Variants in LINGO2 observed in about 807,000 individuals in gnomAD.
LINGO2 encodes the protein leucine-rich repeat and immunoglobulin-like domain-containing nogo receptor-interacting protein 2.
Under a neutral mutation model 30.6 loss-of-function variants are expected in LINGO2, and 14 were observed. That is an observed-to-expected ratio of 0.46 (90% CI 0.30 to 0.72). LINGO2 has a LOEUF of 0.72. Ranked by LOEUF, LINGO2 falls within the 30% of genes least tolerant of loss-of-function variation. The probability of loss-of-function intolerance (pLI) is 0.07; values close to 1 mark genes in which losing one functional copy is unlikely to be tolerated. For missense variants in LINGO2, 729 were observed against 751.7 expected (o/e 0.97, Z 0.35); for synonymous variants, 317 against 288.5 (o/e 1.10, Z -1.00).
In LINGO2 at chr9:28,015,764, G is replaced by C. The variant is rs1822799013; in HGVS notation, c.-86-3359C>G. Among the ~76,000 whole-genome samples the C allele has an allele frequency of 2.0e-5, 3 of 149,502 alleles. No individual in the cohort carries two copies. In the South Asian group the frequency reaches 6.5e-4, roughly 33 times the overall value. ...CTTTTCTACCCTCAAAACAACCTGA[G>C]ACTCAGGTGATAATCCCAGTTTACC... On this transcript the variant is annotated intron_variant, in intron 4 of 5. Transcript: ENST00000379992.
intron 5 of LINGO2, among the ~76,000 whole-genome samples, chr9:27,990,250 C>T (rs1821326588): frequency 6.6e-6 from 1 of 151,300 alleles, no homozygotes; most frequent in African/African-American, 2.4e-5. Flanking sequence ...ATGAGCATTC[C>T]CTGAAGGCAG....
At chr9:28,296,016 C>T (rs1188746706) in intron 3 of LINGO2, among the ~76,000 whole-genome samples, 1 of 152,132 alleles carries the variant, frequency 6.6e-6, no homozygotes, top group Non-Finnish European at 1.5e-5. Flanking sequence ...AATGTAAATG[C>T]ATTGTAGCCA....
intron 4 of LINGO2, among the ~76,000 whole-genome samples, chr9:28,269,127 T>C (rs1279361386): frequency 6.6e-6 from 1 of 152,136 alleles, no homozygotes; most frequent in Non-Finnish European, 1.5e-5. Context: ...TAGATTTTTG[T>C]GAGCAGAGTT....
At chr9:28,577,955 A>T (rs1475458095) in intron 1 of LINGO2, among the ~76,000 whole-genome samples, 1 of 152,140 alleles carries the variant, frequency 6.6e-6, no homozygotes, top group African/African-American at 2.4e-5. Flanking sequence ...CTTCCTAGAG[A>T]AAGTGACAGC....
the LINGO2 span, among the ~76,000 whole-genome samples, chr9:29,109,704 C>T: frequency 1.3e-5 from 2 of 152,186 alleles, no homozygotes; most frequent in Non-Finnish European, 2.9e-5. Flanking sequence ...ATCTTCATTT[C>T]GTAACAAATT....
chr9:28,082,805 T>C (rs1025169815), intron 4 of LINGO2, among the ~76,000 whole-genome samples: 2 of 152,186 alleles, frequency 1.3e-5, no homozygotes, highest in African/African-American at 4.8e-5. Flanking sequence ...GTTTCCCCTC[T>C]GTCTGGATTG....
At chr9:28,434,706 A>C (rs921495687) in intron 2 of LINGO2, among the ~76,000 whole-genome samples, 1 of 152,130 alleles carries the variant, frequency 6.6e-6, no homozygotes, top group South Asian at 2.1e-4. Flanking sequence ...TGAGAAGGCC[A>C]ATACAATCAG....
chr9:28,027,673 CAT>C (rs5897267), intron 4 of LINGO2, among the ~76,000 whole-genome samples: 41,189 of 151,926 alleles, frequency 0.27, 6,228 homozygotes, highest in East Asian at 0.46. Context: ...GAAAATAAAA[CAT>C]ATTTTACAAA....
At chr9:28,895,022 T>G in the LINGO2 span, among the ~76,000 whole-genome samples, 44 of 152,222 alleles carry the variant, frequency 2.9e-4, no homozygotes, top group African/African-American at 1.1e-3. Flanking sequence ...TGCCTATATG[T>G]GCATGACTGT....
chr9:28,705,435 C>T, the LINGO2 span, among the ~76,000 whole-genome samples: 1 of 151,998 alleles, frequency 6.6e-6, no homozygotes, highest in African/African-American at 2.4e-5. Flanking sequence ...CTCCTTGGGA[C>T]AGAATAGCTA....
chr9:28,326,040 T>C (rs1361691060), intron 3 of LINGO2, among the ~76,000 whole-genome samples: 1 of 152,186 alleles, frequency 6.6e-6, no homozygotes, highest in Non-Finnish European at 1.5e-5. Flanking sequence ...AAAGTCTCGC[T>C]CTGTCGCTTA....
the LINGO2 span, among the ~76,000 whole-genome samples, chr9:29,087,024 T>C: frequency 6.6e-6 from 1 of 151,904 alleles, no homozygotes; most frequent in Admixed American, 6.6e-5. Flanking sequence ...TGCAGGTGCC[T>C]GCCACCACAC....
chr9:28,509,056 T>C (rs1036245355), intron 1 of LINGO2, among the ~76,000 whole-genome samples: 4 of 152,206 alleles, frequency 2.6e-5, no homozygotes, highest in Non-Finnish European at 4.4e-5. Flanking sequence ...ATTGTACTTA[T>C]ACTTCTCCCA....
the LINGO2 span, among the ~76,000 whole-genome samples, chr9:28,913,201 T>C: frequency 6.6e-6 from 1 of 152,034 alleles, no homozygotes; most frequent in Non-Finnish European, 1.5e-5. Flanking sequence ...AGGATGAAAA[T>C]CTCTGTTATC....
At chr9:28,796,050 A>G in the LINGO2 span, among the ~76,000 whole-genome samples, 1 of 150,770 alleles carries the variant, frequency 6.6e-6, no homozygotes, top group Non-Finnish European at 1.5e-5. Context: ...GGGAATAATC[A>G]TTCTATAAGG....
At chr9:28,334,139 G>A (rs7847504) in intron 3 of LINGO2, among the ~76,000 whole-genome samples, 48,830 of 151,930 alleles carry the variant, frequency 0.32, 8,063 homozygotes, top group Middle Eastern at 0.47. Flanking sequence ...CCTGGTGGGT[G>A]AATGTTGTGG....
At chr9:28,208,198 G>T (rs1178850655) in intron 4 of LINGO2, among the ~76,000 whole-genome samples, 1 of 151,916 alleles carries the variant, frequency 6.6e-6, no homozygotes, top group Admixed American at 6.6e-5. Flanking sequence ...AATTAAAAGA[G>T]AATTTTATGT....
intron 4 of LINGO2, among the ~76,000 whole-genome samples, chr9:28,272,611 T>C (rs1329898344): frequency 1.3e-5 from 2 of 152,106 alleles, no homozygotes; most frequent in Non-Finnish European, 2.9e-5. Flanking sequence ...ACAAACAAAA[T>C]TGCCTTTAAT....
At chr9:28,796,976 T>A in the LINGO2 span, among the ~76,000 whole-genome samples, 1 of 151,942 alleles carries the variant, frequency 6.6e-6, no homozygotes, top group East Asian at 1.9e-4. Flanking sequence ...AGACTGCACA[T>A]CTTTATGTAT....
Sources: gnomAD v4.1 joint callset for allele counts (sites outside exome capture counted in the v4.1 genomes callset) on GRCh38, gnomAD v4.1.1 for gene constraint, MANE v1.5 for transcripts, NCBI Gene and HGNC (gene_info 2026-07-23, HGNC 2026-07-21) for gene names.